SMC5: variants seen among roughly 807,000 people sequenced by gnomAD.
SMC5 encodes structural maintenance of chromosomes protein 5.
In SMC5, 88 loss-of-function variants were observed where a neutral mutation model predicts 148.3. The ratio of observed to expected loss-of-function variants is 0.59; its 90% confidence interval spans 0.50 to 0.71. The LOEUF is 0.71. Ranked by LOEUF, SMC5 falls within the 30% of genes least tolerant of loss-of-function variation. SMC5 has a pLI of 0.00. For synonymous variants in SMC5, 421 were observed against 432.8 expected (o/e 0.97, Z 0.34); for missense variants, 1,142 against 1,298.9 (o/e 0.88, Z 1.86).
Position 70,259,216 on chromosome 9 carries a change from G to A in SMC5, c.138G>A (p.Gly46=), listed in dbSNP as rs778648278. Residue 46 remains glycine (G), a synonymous_variant, in exon 1 of 25, where the codon GGG becomes GGA. Transcript: ENST00000361138. The part of the protein sequence containing the change: ...APQLPLLQSS[G]PFVEGSIVRI... ...AGCTGCCGCTGTTGCAGTCGTCCGG[G>A]CCTTTCGTGGAAGGCTCTATCGTCC... is the stretch of plus-strand genomic sequence containing the variant. The A allele has an allele frequency of 1.5e-5, 24 of 1,605,392 alleles. No homozygotes were observed. The South Asian group carries it at 2.7e-4, about 18-fold the overall frequency.
At position 70,286,221 on chromosome 9, in the gene SMC5, T is replaced by TC; in HGVS notation, c.1004dup (p.Gln336SerfsTer15). ...ACAGGCAACAGATATTAAGGAGGCA[T>TC]CTCAAAAATGCAAACAGAAGCAAGA... On this transcript the variant is annotated frameshift_variant, in exon 8 of 25. Transcript: ENST00000361138. LOFTEE classifies it high-confidence loss of function. 6.7e-7 allele frequency: 1 copy of TC among 1,500,000 alleles called. No homozygotes were observed. The highest frequency in any genetic ancestry group is 9.1e-7 in the Non-Finnish European group (1 of 1,098,250). 92.9% of individuals were successfully genotyped at this position (1,500,000 alleles called of 1,614,324 possible).
chr9:70,279,137 C>T lies in SMC5; in HGVS notation c.678+512C>T, dbSNP rs563838901. 8.5e-5 allele frequency among the ~76,000 whole-genome samples: 13 copies of T among 152,292 alleles called. No homozygotes were observed. The South Asian group carries it at 2.3e-3, about 27-fold the overall frequency. ...TAAACATAAAAATGTACTTTTATAG[C>T]ATATCCTTTGTAAAGGTGTTTTATT... On this transcript the variant is annotated intron_variant, in intron 5 of 24. Coordinates refer to ENST00000361138, the MANE Select transcript of SMC5 (RefSeq NM_015110.4).
At chr9:70,334,520 AC>A (rs1429725796) in intron 17 of SMC5, among the ~76,000 whole-genome samples, 2 of 152,186 alleles carry the variant, frequency 1.3e-5, no homozygotes, top group East Asian at 3.8e-4. Context: ...TTGTATCTAG[AC>A]CAAGAGGACT....
At position 70,353,396 on chromosome 9, in the gene SMC5, G is replaced by C. The variant is rs2036845642; in HGVS notation, c.*1065G>C. ...AAAGAATTAAATGGGAAAATCATTT[G>C]TTTATCTCTAAGTTATACTAATTAG... On this transcript the variant is annotated 3_prime_UTR_variant, in exon 25 of 25. Transcript: ENST00000361138. 6.6e-6 allele frequency: 1 copy of C among 152,030 alleles called. No homozygotes were observed. Among genetic ancestry groups the C allele is most frequent in the Non-Finnish European group, 1.5e-5 (1 of 67,964 alleles). 9.4% of individuals were successfully genotyped at this position (152,030 alleles called of 1,614,324 possible). A position where few individuals can be genotyped will look rare whatever the true frequency, so the allele number is the denominator to read the frequency against.
intron 17 of SMC5, among the ~76,000 whole-genome samples, chr9:70,332,664 C>T (rs2118725172): frequency 6.6e-6 from 1 of 152,194 alleles, no homozygotes; most frequent in African/African-American, 2.4e-5. Context: ...TAATACCTAT[C>T]ATGAACATAG....
chr9:70,283,568 C>T (rs750276635), intron 7 of SMC5, among the ~76,000 whole-genome samples: 1 of 152,054 alleles, frequency 6.6e-6, no homozygotes, highest in Admixed American at 6.5e-5. Context: ...TGTAATTAGA[C>T]CAGCGGAATT....
intron 11 of SMC5, chr9:70,311,150 A>G (rs993024007): frequency 6.6e-6 from 1 of 152,206 alleles, no homozygotes; most frequent in Non-Finnish European, 1.5e-5. Flanking sequence ...AGCCTAGCTC[A>G]ACTTTTGTCA....
At chr9:70,345,177 AATTTT>A (rs1564072969) in intron 18 of SMC5, among the ~76,000 whole-genome samples, 1 of 141,044 alleles carries the variant, frequency 7.1e-6, no homozygotes, top group Non-Finnish European at 1.6e-5. Flanking sequence ...ACAATCTACT[AATTTT>A]TTTTTTCAGA....
At chr9:70,324,895 C>G (rs1297695538) in intron 17 of SMC5, among the ~76,000 whole-genome samples, 1 of 152,156 alleles carries the variant, frequency 6.6e-6, no homozygotes, top group Non-Finnish European at 1.5e-5. Context: ...TTGGAGGTTC[C>G]TAAACTCAAA....
chr9:70,329,136 T>C (rs1158806737), intron 17 of SMC5, among the ~76,000 whole-genome samples: 1 of 152,226 alleles, frequency 6.6e-6, no homozygotes, highest in Non-Finnish European at 1.5e-5. Flanking sequence ...GGGCTGCTTC[T>C]GACATGCCCT....
At chr9:70,318,462 T>C in intron 13 of SMC5, 52 bp from the exon 14 acceptor site, 1 of 1,343,184 alleles carries the variant, frequency 7.4e-7, no homozygotes. Flanking sequence ...TTTAGTACTT[T>C]AAAACATATA....
intron 17 of SMC5, among the ~76,000 whole-genome samples, chr9:70,339,766 G>A (rs752178508): frequency 2.6e-5 from 4 of 152,166 alleles, no homozygotes; most frequent in Admixed American, 2.0e-4. Context: ...TGAGGGGACC[G>A]TGGAGTTTGA....
At chr9:70,289,336 C>A (rs2034995618) in intron 8 of SMC5, among the ~76,000 whole-genome samples, 1 of 152,118 alleles carries the variant, frequency 6.6e-6, no homozygotes. Flanking sequence ...CCGCACCTGG[C>A]CTGATTTAGT....
chr9:70,332,715 A>G (rs1347479710), intron 17 of SMC5, among the ~76,000 whole-genome samples: 1 of 152,188 alleles, frequency 6.6e-6, no homozygotes, highest in Non-Finnish European at 1.5e-5. Context: ...GTCAAATCCA[A>G]CAATATATAA....
intron 8 of SMC5, among the ~76,000 whole-genome samples, chr9:70,293,477 TCTC>T (rs1564035920): frequency 6.6e-6 from 1 of 152,100 alleles, no homozygotes; most frequent in African/African-American, 2.4e-5. Context: ...TCTTTATGAT[TCTC>T]CTGCCTGATG....
chr9:70,302,947 G>A (rs1047785511), intron 10 of SMC5, among the ~76,000 whole-genome samples: 2 of 152,030 alleles, frequency 1.3e-5, no homozygotes, highest in African/African-American at 4.8e-5. Flanking sequence ...ATACACCTTG[G>A]GGCCAGGCAT....
intron 3 of SMC5, among the ~76,000 whole-genome samples, chr9:70,273,884 C>T (rs2034515981): frequency 6.6e-6 from 1 of 152,080 alleles, no homozygotes; most frequent in Non-Finnish European, 1.5e-5. Flanking sequence ...TTGTAGATAC[C>T]TGCAGTGTTC....
intron 2 of SMC5, among the ~76,000 whole-genome samples, chr9:70,266,793 G>A (rs182740153): frequency 1.3e-5 from 2 of 152,298 alleles, no homozygotes; most frequent in Non-Finnish European, 2.9e-5. Flanking sequence ...AATAAGAACT[G>A]CCTCCTGATT....
chr9:70,344,910 T>C (rs1367686977), intron 18 of SMC5, among the ~76,000 whole-genome samples: 1 of 152,142 alleles, frequency 6.6e-6, no homozygotes, highest in East Asian at 1.9e-4. Context: ...TAATTTCAAA[T>C]GTTATCTATT....
Sources: allele counts gnomAD v4.1 joint callset (sites outside exome capture counted in the v4.1 genomes callset), GRCh38; gene constraint gnomAD v4.1.1; transcripts MANE v1.5; gene names NCBI Gene and HGNC (gene_info 2026-07-23, HGNC 2026-07-21).